RSPO2: variants seen among roughly 807,000 people sequenced by gnomAD.
RSPO2 encodes the protein R-spondin 2, also known as R-spondin-2.
RSPO2 carries 14 observed loss-of-function variants against 30.9 expected under a neutral mutation model. The observed-to-expected ratio is 0.45, with a 90% CI of 0.30 to 0.71. The LOEUF (loss-of-function observed/expected upper bound fraction) is 0.71. RSPO2 is among the 30% of genes least tolerant of loss of function. The pLI is 0.08. For missense variants in RSPO2, 264 were observed against 301.9 expected (o/e 0.87, Z 0.93); for synonymous variants, 107 against 96.4 (o/e 1.11, Z -0.64).
intron 2 of RSPO2, among the ~76,000 whole-genome samples, chr8:108,067,627 T>C (rs1366233388): frequency 6.6e-6 from 1 of 152,176 alleles, no homozygotes; most frequent in Non-Finnish European, 1.5e-5. Flanking sequence ...CAAGCATGAA[T>C]AGATCAAGCC....
intron 2 of RSPO2, among the ~76,000 whole-genome samples, chr8:107,991,186 G>A (rs1348859798): frequency 6.6e-6 from 1 of 151,784 alleles, no homozygotes; most frequent in Non-Finnish European, 1.5e-5. Context: ...GGCAGAGGTT[G>A]TGGTGAACCA....
At chr8:108,069,650 T>C (rs1812780847) in intron 2 of RSPO2, among the ~76,000 whole-genome samples, 1 of 152,220 alleles carries the variant, frequency 6.6e-6, no homozygotes, top group African/African-American at 2.4e-5. Flanking sequence ...CAACTTCATA[T>C]TATGCAAAAG....
At position 107,917,683 on chromosome 8, in the gene RSPO2, T is replaced by C. The variant is rs570937811; in HGVS notation, c.617-16493A>G. On this transcript the variant is annotated intron_variant, in intron 5 of 5. Transcript: ENST00000276659. Reference sequence around the variant, plus strand: ...GGTATGAAAGTCATACAGGAAGCATTGTCAAATATGAAATGGTGTTTGGCT... The same window carrying C: ...GGTATGAAAGTCATACAGGAAGCATCGTCAAATATGAAATGGTGTTTGGCT... Among the ~76,000 whole-genome samples, 6 of 152,326 alleles carry C rather than the reference T, an allele frequency of 3.9e-5. No homozygotes were observed. In the South Asian group the frequency reaches 1.2e-3, roughly 32 times the overall value.
chr8:108,058,800 G>C (rs148614442), intron 2 of RSPO2, among the ~76,000 whole-genome samples: 18,605 of 151,760 alleles, frequency 0.12, 2,622 homozygotes, highest in African/African-American at 0.33. Context: ...GCTATATGTA[G>C]AAAGCTGAAA....
At chr8:107,977,015 G>A (rs1013804166) in intron 3 of RSPO2, among the ~76,000 whole-genome samples, 2 of 152,176 alleles carry the variant, frequency 1.3e-5, no homozygotes, top group African/African-American at 2.4e-5. Context: ...AGTGTGGGAG[G>A]CAGAGAAAAA....
chr8:107,996,460 T>A (rs548648258), intron 2 of RSPO2, among the ~76,000 whole-genome samples: 1 of 152,172 alleles, frequency 6.6e-6, no homozygotes, highest in East Asian at 1.9e-4. Flanking sequence ...AGAATTTATA[T>A]GCAGATTTGA....
intron 3 of RSPO2, among the ~76,000 whole-genome samples, chr8:107,978,083 C>T (rs920449656): frequency 2.0e-5 from 3 of 151,964 alleles, no homozygotes; most frequent in Admixed American, 6.6e-5. Context: ...TCCAATAATC[C>T]CAATAAATCA....
At chr8:108,034,825 G>A (rs914380054) in intron 2 of RSPO2, among the ~76,000 whole-genome samples, 2 of 152,168 alleles carry the variant, frequency 1.3e-5, no homozygotes, top group African/African-American at 4.8e-5. Context: ...GAAAAGATGG[G>A]TGTGCACGCA....
intron 3 of RSPO2, chr8:107,983,497 C>T: frequency 6.3e-7 from 1 of 1,598,094 alleles, no homozygotes; most frequent in African/African-American, 1.3e-5. Flanking sequence ...GAAATGTCTG[C>T]CTGAGATTCA....
At chr8:108,066,444 A>G (rs1162111343) in intron 2 of RSPO2, among the ~76,000 whole-genome samples, 1 of 137,182 alleles carries the variant, frequency 7.3e-6, no homozygotes, top group African/African-American at 3.0e-5. Context: ...GCAAAAACCA[A>G]CAAGTCTTTT....
chr8:108,052,976 C>T (rs1365648523), intron 2 of RSPO2, among the ~76,000 whole-genome samples: 1 of 152,036 alleles, frequency 6.6e-6, no homozygotes, highest in Non-Finnish European at 1.5e-5. Flanking sequence ...TATATATATA[C>T]AGTTTGTGGC....
At chr8:108,072,709 T>C (rs980365224) in intron 2 of RSPO2, among the ~76,000 whole-genome samples, 7 of 152,012 alleles carry the variant, frequency 4.6e-5, no homozygotes, top group Admixed American at 1.3e-4. Context: ...AAAAATACTT[T>C]GGCTGGGACA....
At chr8:108,082,337 T>C (rs1209051928) in intron 2 of RSPO2, among the ~76,000 whole-genome samples, 3 of 152,180 alleles carry the variant, frequency 2.0e-5, no homozygotes, top group Non-Finnish European at 1.5e-5. Flanking sequence ...CCAGCGCGTC[T>C]CGCTCCGGCT....
At chr8:107,921,101 C>T (rs923810364) in intron 5 of RSPO2, among the ~76,000 whole-genome samples, 4 of 152,002 alleles carry the variant, frequency 2.6e-5, no homozygotes, top group African/African-American at 7.2e-5. Flanking sequence ...TGGACTCAAC[C>T]TAGAGGTTAA....
At chr8:108,026,143 G>C (rs954966286) in intron 2 of RSPO2, among the ~76,000 whole-genome samples, 2 of 152,092 alleles carry the variant, frequency 1.3e-5, no homozygotes, top group Non-Finnish European at 2.9e-5. Context: ...CAAAAACACA[G>C]AACTTCAATC....
intron 2 of RSPO2, among the ~76,000 whole-genome samples, chr8:108,058,200 C>A (rs1476405604): frequency 2.6e-5 from 4 of 152,094 alleles, no homozygotes; most frequent in Non-Finnish European, 4.4e-5. Flanking sequence ...TTCTTATACA[C>A]CAATAACAGA....
chr8:107,914,739 C>T (rs2130286672), intron 5 of RSPO2, among the ~76,000 whole-genome samples: 1 of 152,200 alleles, frequency 6.6e-6, no homozygotes, highest in South Asian at 2.1e-4. Flanking sequence ...CTGGAAATTC[C>T]TTCCAATCAG....
At chr8:107,993,908 C>A (rs750788335) in intron 2 of RSPO2, among the ~76,000 whole-genome samples, 1 of 152,088 alleles carries the variant, frequency 6.6e-6, no homozygotes, top group South Asian at 2.1e-4. Context: ...TACATTGACA[C>A]TCTAATTGGA....
At chr8:108,036,407 G>T (rs922855208) in intron 2 of RSPO2, among the ~76,000 whole-genome samples, 2 of 152,124 alleles carry the variant, frequency 1.3e-5, no homozygotes, top group South Asian at 4.1e-4. Flanking sequence ...TGCCCCCTCT[G>T]CAAAACTGAC....
Sources: gnomAD v4.1 joint callset for allele counts (sites outside exome capture counted in the v4.1 genomes callset) on GRCh38, gnomAD v4.1.1 for gene constraint, MANE v1.5 for transcripts, NCBI Gene and HGNC (gene_info 2026-07-23, HGNC 2026-07-21) for gene names.